Variants in CPAMD8 observed in about 807,000 individuals in gnomAD.
The protein encoded by CPAMD8 is C3 and PZP-like alpha-2-macroglobulin domain-containing protein 8.
A neutral mutation model predicts 224.7 loss-of-function variants in CPAMD8; 146 were observed. The observed-to-expected ratio is 0.65, with a 90% confidence interval of 0.57 to 0.75. The LOEUF (loss-of-function observed/expected upper bound fraction) is 0.75. Among genes scored for constraint, CPAMD8 ranks in the 30% least tolerant of loss-of-function variants. The probability of loss-of-function intolerance (pLI) is 0.00; values close to 1 mark genes in which losing one functional copy is unlikely to be tolerated. For synonymous variants in CPAMD8, 966 were observed against 1,044.6 expected (o/e 0.92, Z 1.45); for missense variants, 2,301 against 2,537.5 (o/e 0.91, Z 2.00).
intron 19 of CPAMD8, among the ~76,000 whole-genome samples, chr19:16,954,912 AG>A (rs1306484853): frequency 6.6e-6 from 1 of 152,172 alleles, no homozygotes; most frequent in Non-Finnish European, 1.5e-5. Flanking sequence ...GCGGATCACG[AG>A]GTCAGGAGAT....
intron 19 of CPAMD8, among the ~76,000 whole-genome samples, chr19:16,956,902 G>C (rs535574411): frequency 1.3e-5 from 2 of 152,028 alleles, no homozygotes; most frequent in Admixed American, 1.3e-4. Context: ...TCCTGATCTC[G>C]TGATCCACCT....
chr19:16,921,398 A>C (rs191888054), intron 27 of CPAMD8, among the ~76,000 whole-genome samples: 121 of 152,040 alleles, frequency 8.0e-4, no homozygotes, highest in African/African-American at 2.8e-3. Flanking sequence ...TAGCCTGAGG[A>C]TATCAGGAAA....
chr19:16,894,717 T>C (rs2051891700), intron 41 of CPAMD8: 2 of 329,144 alleles, frequency 6.1e-6, no homozygotes, highest in Middle Eastern at 1.1e-3. Flanking sequence ...ATCGAAAAGC[T>C]ACCCATAGCA....
At chr19:16,986,170 T>G (rs1395118992) in intron 13 of CPAMD8, among the ~76,000 whole-genome samples, 1 of 152,080 alleles carries the variant, frequency 6.6e-6, no homozygotes, top group Non-Finnish European at 1.5e-5. Context: ...AGCCCCCCAG[T>G]TCCCCCCTGC....
At chr19:17,018,298 C>T (rs1180364967) in intron 3 of CPAMD8, among the ~76,000 whole-genome samples, 1 of 152,244 alleles carries the variant, frequency 6.6e-6, no homozygotes, top group Admixed American at 6.5e-5. Flanking sequence ...AGTTTGAAAA[C>T]CCATGTCATA....
At chr19:16,991,655 G>C (rs1173627611) in intron 12 of CPAMD8, among the ~76,000 whole-genome samples, 1 of 152,096 alleles carries the variant, frequency 6.6e-6, no homozygotes, top group African/African-American at 2.4e-5. Flanking sequence ...AGGAGTTCAA[G>C]ACCAGCTTGA....
intron 13 of CPAMD8, among the ~76,000 whole-genome samples, chr19:16,982,244 T>A (rs2035645153): frequency 6.6e-6 from 1 of 151,386 alleles, no homozygotes; most frequent in African/African-American, 2.4e-5. Flanking sequence ...AATACAAAAA[T>A]TAGGTGGATG....
intron 12 of CPAMD8, among the ~76,000 whole-genome samples, chr19:16,990,173 G>C (rs1196025607): frequency 6.6e-6 from 1 of 152,074 alleles, no homozygotes; most frequent in East Asian, 1.9e-4. Flanking sequence ...AGAATTGCTT[G>C]AACCCAGGAG....
intron 16 of CPAMD8, among the ~76,000 whole-genome samples, chr19:16,975,659 G>C (rs1257167959): frequency 1.2e-4 from 19 of 152,092 alleles, no homozygotes; most frequent in Non-Finnish European, 1.9e-4. Flanking sequence ...AGTGAGCTAT[G>C]ATCACGCCAC....
At chr19:16,895,869 G>A (rs959842932) in intron 41 of CPAMD8, 10 of 537,296 alleles carry the variant, frequency 1.9e-5, no homozygotes, top group African/African-American at 3.8e-5. Context: ...TCGGATAAGG[G>A]ATCCTTGACC....
chr19:16,913,259 A>T (rs140396646), intron 29 of CPAMD8, among the ~76,000 whole-genome samples: 1,565 of 152,204 alleles, frequency 0.01, 26 homozygotes, highest in African/African-American at 0.035. Flanking sequence ...AATACGTGTG[A>T]TCTTCCTCAG....
chr19:16,896,032 G>A (rs1191787275), intron 41 of CPAMD8, 144 bp downstream of exon 41: 2 of 901,106 alleles, frequency 2.2e-6, no homozygotes, highest in Non-Finnish European at 3.6e-6. Context: ...CTGAGCCTCT[G>A]ACCCTGAGTC....
chr19:16,904,176 A>AGGGGCCCCCCCCCCCCCCCCCCCCC, intron 32 of CPAMD8, 50 bp downstream of exon 32: 1 of 937,340 alleles, frequency 1.1e-6, no homozygotes, highest in Non-Finnish European at 1.7e-6. Flanking sequence ...GACTGCAGGG[A>AGGGGCCCCCCCCCCCCCCCCCCCCC]CCCCACCCAC....
rs2052156268 is a variant in CPAMD8, at chr19:16,899,324, T to G, written c.4848+151A>C. Reference sequence around the variant, plus strand: ...CTCCCACCTCGGCTTCCCAAAGTGCTGGGATTACAGGCATGAGCCACCATG... The same window carrying G: ...CTCCCACCTCGGCTTCCCAAAGTGCGGGGATTACAGGCATGAGCCACCATG... On this transcript the variant is annotated intron_variant, in intron 37 of 41. Transcript: ENST00000443236. This position sits in a 1 kb window ranked among gnomAD's most constrained non-coding sequence, Gnocchi z 5.4. 1.7e-6 allele frequency: 1 copy of G among 576,778 alleles called. No homozygotes were observed. The highest frequency in any genetic ancestry group is 1.9e-5 in the African/African-American group (1 of 53,756). The allele number at this position is 576,778 out of a possible 1,614,324, so 35.7% of individuals were successfully genotyped here.
Position 16,928,105 on chromosome 19 carries a change from T to G in CPAMD8, c.3274A>C (p.Lys1092Gln), listed in dbSNP as rs1426245976. Residue 1092 changes from lysine (K) to glutamine (Q), a missense_variant, in exon 25 of 42, where the codon AAG (lysine) becomes CAG (glutamine). Coordinates refer to ENST00000443236, the MANE Select transcript of CPAMD8 (RefSeq NM_015692.5). ...GSMGEFRIWR[K>Q]MEVDESYSEA... ...CTGTAGCTCTCGTCCACCTCCATCT[T>G]CCTCCAGATTCGGAATTCACCCATG... 3 of 1,613,990 alleles carry G rather than the reference T, an allele frequency of 1.9e-6. No individual in the cohort carries two copies. Among genetic ancestry groups the G allele is most frequent in the Non-Finnish European group, 2.5e-6 (3 of 1,179,984 alleles).
At chr19:16,906,341 T>G (rs1200037394) in intron 30 of CPAMD8, among the ~76,000 whole-genome samples, 2 of 28,722 alleles carry the variant, frequency 7.0e-5, no homozygotes, top group Non-Finnish European at 1.4e-4. Context: ...TCTTTCCCTT[T>G]CTTTCTTTCT....
At chr19:16,987,274 T>C (rs1371275528) in intron 13 of CPAMD8, among the ~76,000 whole-genome samples, 1 of 144,568 alleles carries the variant, frequency 6.9e-6, no homozygotes, top group Non-Finnish European at 1.5e-5. Flanking sequence ...TATATGCACA[T>C]ATATACAGTT....
At chr19:16,932,599 A>C (rs60010516) in intron 23 of CPAMD8, among the ~76,000 whole-genome samples, 7,510 of 152,252 alleles carry the variant, frequency 0.049, 627 homozygotes, top group African/African-American at 0.17. Context: ...GATGAAGTAG[A>C]AGAAAGAATT....
Position 16,902,820 on chromosome 19 carries a change from G to A in CPAMD8, c.4514C>T (p.Ala1505Val), listed in dbSNP as rs2052316749. The A allele has an allele frequency of 6.4e-7, 1 of 1,564,750 alleles. No homozygotes were observed. The highest frequency in any genetic ancestry group is 8.7e-7 in the Non-Finnish European group (1 of 1,152,120). Residue 1505 changes from alanine (A) to valine (V), a missense_variant, in exon 35 of 42, where the codon GCT becomes GTT. Ala to Val is a moderately conservative substitution (Grantham distance 64). Transcript: ENST00000443236. ...CTGGAGGCTTACGAGCAGCTGGAAA[G>A]CTGGCTTGGCCACCGGGTCAGGCAC... Reference protein sequence around the residue: ...YNVPDPVAKPAFQLLVSLQEP... With the variant: ...YNVPDPVAKPVFQLLVSLQEP...
Sources: allele counts gnomAD v4.1 joint callset (sites outside exome capture counted in the v4.1 genomes callset), GRCh38; gene constraint gnomAD v4.1.1; non-coding constraint Gnocchi (gnomAD v3.1); transcripts MANE v1.5; gene names NCBI Gene and HGNC (gene_info 2026-07-23, HGNC 2026-07-21).